The following MLYCD variants were observed in gnomAD, a reference collection of about 807,000 sequenced individuals.
The protein encoded by MLYCD is malonyl-CoA decarboxylase.
Under a neutral mutation model 35.8 loss-of-function variants are expected in MLYCD, and 27 were observed. That is an observed-to-expected ratio of 0.75 (90% CI 0.56 to 1.04). The LOEUF is 1.04. MLYCD is among the 50% of genes least tolerant of loss of function. MLYCD has a pLI of 0.00. For synonymous variants in MLYCD, 403 were observed against 302.4 expected (o/e 1.33, Z -3.45); for missense variants, 917 against 665.1 (o/e 1.38, Z -4.17).
At chr16:83,908,094 T>C (rs1389343123) in intron 2 of MLYCD, 32 bp from the exon 3 acceptor site, 1 of 1,613,774 alleles carries the variant, frequency 6.2e-7, no homozygotes, top group Non-Finnish European at 8.5e-7. Context: ...GAATTATGCA[T>C]TTGTCTTGTC....
At chr16:83,902,413 T>C (rs1597287851) in intron 1 of MLYCD, among the ~76,000 whole-genome samples, 1 of 151,840 alleles carries the variant, frequency 6.6e-6, no homozygotes, top group East Asian at 1.9e-4. Flanking sequence ...TAGATTGTTC[T>C]GTACCTATAA....
At position 83,915,302 on chromosome 16, in the gene MLYCD, G is replaced by C. The variant is rs201973830; in HGVS notation, c.1295G>C (p.Arg432Pro). 2.5e-6 allele frequency: 4 copies of C among 1,613,560 alleles called. No homozygotes were observed. Among genetic ancestry groups the C allele is most frequent in the Non-Finnish European group, 2.5e-6 (3 of 1,179,736 alleles). Reference protein sequence around the residue: ...FHLQNGAVLWRINWMADVSLR... With the variant: ...FHLQNGAVLWPINWMADVSLR... ...CTGCAGAACGGGGCGGTGCTGTGGC[G>C]CATCAACTGGATGGCGGATGTGAGC... Residue 432 changes from arginine (R) to proline (P), a missense_variant, in exon 5 of 5, where the codon CGC (arginine) becomes CCC (proline). Transcript: ENST00000262430.
chr16:83,904,503 C>G (rs1299084180), intron 1 of MLYCD, among the ~76,000 whole-genome samples: 1 of 152,222 alleles, frequency 6.6e-6, no homozygotes, highest in Non-Finnish European at 1.5e-5. Context: ...TGATCTCTTT[C>G]ATCCTGCCCT....
rs1907372940 is a variant in MLYCD, at chr16:83,916,016, GAGA to G, written c.*530_*532del. On this transcript the variant is annotated 3_prime_UTR_variant, in exon 5 of 5. Coordinates refer to ENST00000262430, the MANE Select transcript of MLYCD (RefSeq NM_012213.3). ...TACATTCTGAAGCTCATAAATGTAT[GAGA>G]AGGTTTGTGATTTTGCACAAGGTGT... The G allele has an allele frequency of 2.0e-6, 2 of 1,005,226 alleles. No homozygotes were observed. Among genetic ancestry groups the G allele is most frequent in the South Asian group, 4.2e-5 (1 of 23,628 alleles). 62.3% of individuals were successfully genotyped at this position (1,005,226 alleles called of 1,614,324 possible).
At chr16:83,905,915 C>T (rs1025264110) in intron 1 of MLYCD, among the ~76,000 whole-genome samples, 1 of 152,226 alleles carries the variant, frequency 6.6e-6, no homozygotes, top group Admixed American at 6.5e-5. Flanking sequence ...GTGTTCTGCT[C>T]TTGCTGGAAA....
chr16:83,913,963 A>G (rs1488668190), intron 4 of MLYCD: 1 of 152,124 alleles, frequency 6.6e-6, no homozygotes, highest in African/African-American at 2.4e-5. Context: ...TTTAAATGAT[A>G]ATGAGAAAAT....
At chr16:83,904,852 A>G (rs1030460838) in intron 1 of MLYCD, among the ~76,000 whole-genome samples, 1 of 152,162 alleles carries the variant, frequency 6.6e-6, no homozygotes, top group Non-Finnish European at 1.5e-5. Context: ...TCCTCTTTAC[A>G]CTAAATTGAG....
At chr16:83,907,189 C>A in intron 2 of MLYCD, 90 bp downstream of exon 2, 1 of 1,099,396 alleles carries the variant, frequency 9.1e-7, no homozygotes, top group Non-Finnish European at 1.4e-6. Flanking sequence ...AATCTATCTC[C>A]ATTCATATGT....
rs1907793976 is a variant in MLYCD, at chr16:83,925,966, G to A, written c.*10477G>A. 6.6e-6 allele frequency: 1 copy of A among 152,280 alleles called. No homozygotes were observed. Among genetic ancestry groups the A allele is most frequent in the African/African-American group, 2.4e-5 (1 of 41,460 alleles). The allele number at this position is 152,280 out of a possible 1,614,324, so 9.4% of individuals were successfully genotyped here. A position where few individuals can be genotyped will look rare whatever the true frequency, so the allele number is the denominator to read the frequency against. ...TCCACTAGACTAGACGCTCTCTGAG[G>A]GCAGGGACCCTGCTTCGCTTCTGGC... is the stretch of plus-strand genomic sequence containing the variant. On this transcript the variant is annotated 3_prime_UTR_variant, in exon 5 of 5. Transcript: ENST00000262430.
intron 3 of MLYCD, among the ~76,000 whole-genome samples, chr16:83,909,931 G>A (rs1278601268): frequency 1.3e-5 from 2 of 151,956 alleles, no homozygotes; most frequent in Non-Finnish European, 2.9e-5. Flanking sequence ...CACCGTGCCC[G>A]GCTGATATAG....
rs1326607650 is a variant in MLYCD at position 83,922,370 on chromosome 16, G to C, written c.*6881G>C. The C allele has an allele frequency of 6.6e-6, 1 of 152,284 alleles. No homozygotes were observed. Among genetic ancestry groups the C allele is most frequent in the African/African-American group, 2.4e-5 (1 of 41,448 alleles). The allele number at this position is 152,284 out of a possible 1,614,324, so 9.4% of individuals were successfully genotyped here. ...ATCCCACCCACAGGGTTTCACAAGA[G>C]GCCCAGCCATGCACCCTGCTGGGGT... On this transcript the variant is annotated 3_prime_UTR_variant, in exon 5 of 5. Coordinates refer to ENST00000262430, the MANE Select transcript of MLYCD (RefSeq NM_012213.3).
In MLYCD at chr16:83,920,212, C is replaced by T. The variant is rs1597299329; in HGVS notation, c.*4723C>T. ...TTGCTTTTGCAATTCCAGGGAGCTC[C>T]CTGGCCTCCCACAGCCATTCATAGA... is the stretch of plus-strand genomic sequence containing the variant. On this transcript the variant is annotated 3_prime_UTR_variant, in exon 5 of 5. Transcript: ENST00000262430. The T allele has an allele frequency of 6.6e-6, 1 of 152,156 alleles. No individual in the cohort carries two copies. Among genetic ancestry groups the T allele is most frequent in the African/African-American group, 2.4e-5 (1 of 41,408 alleles). The allele number at this position is 152,156 out of a possible 1,614,324, so 9.4% of individuals were successfully genotyped here.
chr16:83,910,211 GT>G (rs144044828), intron 3 of MLYCD, among the ~76,000 whole-genome samples: 229 of 141,086 alleles, frequency 1.6e-3, no homozygotes, highest in East Asian at 0.012. Context: ...TTTATGCATG[GT>G]TTTTTTTTTT....
At chr16:83,903,309 CCTT>C (rs1207263026) in intron 1 of MLYCD, among the ~76,000 whole-genome samples, 3 of 152,154 alleles carry the variant, frequency 2.0e-5, no homozygotes, top group Non-Finnish European at 4.4e-5. Context: ...ATTGAGTACT[CCTT>C]GTTGGTTCTA....
intron 1 of MLYCD, among the ~76,000 whole-genome samples, chr16:83,902,322 G>C (rs1391864607): frequency 6.7e-6 from 1 of 150,352 alleles, no homozygotes; most frequent in Non-Finnish European, 1.5e-5. Context: ...CCAATCCCAA[G>C]TGCTGGGATT....
chr16:83,912,333 C>T lies in MLYCD; in HGVS notation c.914C>T (p.Thr305Ile). Residue 305 changes from threonine (T) to isoleucine (I), a missense_variant, in exon 4 of 5, where the codon ACA becomes ATA. Thr to Ile is a moderately conservative substitution (Grantham distance 89). Coordinates refer to ENST00000262430, the MANE Select transcript of MLYCD (RefSeq NM_012213.3). ...QQGLQGVELG[T>I]FLIKRVVKEL... is the part of the protein sequence containing the mutation. ...GGACTCCAAGGGGTGGAGCTGGGAA[C>T]ATTCCTCATAAAGCGAGTCGTCAAG... 1.2e-6 allele frequency: 2 copies of T among 1,614,186 alleles called. No individual in the cohort carries two copies. Among genetic ancestry groups the T allele is most frequent in the Non-Finnish European group, 1.7e-6 (2 of 1,180,036 alleles).
chr16:83,905,236 A>G (rs924655520), intron 1 of MLYCD, among the ~76,000 whole-genome samples: 50 of 152,226 alleles, frequency 3.3e-4, no homozygotes, highest in Non-Finnish European at 5.3e-4. Context: ...AAAAAAAAAA[A>G]AAATTCTAGC....
At chr16:83,911,015 T>C (rs943378572) in intron 3 of MLYCD, among the ~76,000 whole-genome samples, 2 of 152,138 alleles carry the variant, frequency 1.3e-5, no homozygotes, top group Admixed American at 6.5e-5. Context: ...TCTCGCTCTG[T>C]GCCCAGGCTG....
rs1907349084 is a variant in MLYCD, at chr16:83,915,469, C to G, written c.1462C>G (p.Gln488Glu). 1.2e-6 allele frequency: 2 copies of G among 1,612,370 alleles called. No individual in the cohort carries two copies. Among genetic ancestry groups the G allele is most frequent in the Admixed American group, 3.3e-5 (2 of 60,002 alleles). ...GGTCCTCAGCCTAGTGGCCCAGTTT[C>G]AAAAGAACAGCAAGCTCTGACAGTA... The part of the protein sequence containing the change: ...EQVLSLVAQF[Q>E]KNSKL The change falls in exon 5 of 5, where the codon CAA (glutamine) becomes GAA (glutamate). Residue 488 changes from glutamine to glutamate, a missense_variant. By Grantham distance (29) the Gln-to-Glu change is conservative. Coordinates refer to ENST00000262430, the MANE Select transcript of MLYCD (RefSeq NM_012213.3).
Sources: allele counts gnomAD v4.1 joint callset (sites outside exome capture counted in the v4.1 genomes callset), GRCh38; gene constraint gnomAD v4.1.1; transcripts MANE v1.5; gene names NCBI Gene and HGNC (gene_info 2026-07-23, HGNC 2026-07-21).